The following XDH variants were observed in gnomAD, a reference collection of about 807,000 sequenced individuals.
XDH encodes xanthine dehydrogenase.
A neutral mutation model predicts 156.1 loss-of-function variants in XDH; 138 were observed. The observed-to-expected ratio is 0.88, with a 90% CI of 0.77 to 1.02. The LOEUF (loss-of-function observed/expected upper bound fraction) is 1.02. Ranked by LOEUF, XDH falls within the 50% of genes least tolerant of loss-of-function variation. XDH has a pLI of 0.00. For synonymous variants in XDH, 669 were observed against 625.7 expected, an observed-to-expected ratio of 1.07 and a Z score of -1.03; for missense variants, 1,849 against 1,684.9, an observed-to-expected ratio of 1.10 and a Z score of -1.71.
At chr2:31,368,776 T>C (rs974484474) in intron 18 of XDH, 116 bp from the exon 19 acceptor site, 13 of 1,585,570 alleles carry the variant, frequency 8.2e-6, no homozygotes, top group African/African-American at 1.3e-5. Context: ...AAGCACACTT[T>C]AGGAATGCCC....
At chr2:31,380,857 C>T (rs931375836) in intron 12 of XDH, among the ~76,000 whole-genome samples, 1 of 152,112 alleles carries the variant, frequency 6.6e-6, no homozygotes, top group Non-Finnish European at 1.5e-5. Flanking sequence ...GCATTTCCAC[C>T]GTACAGACAG....
At position 31,335,843 on chromosome 2, in the gene XDH, C is replaced by G. The variant is rs546461165; in HGVS notation, c.*115G>C. 1 of 1,238,168 alleles carries G rather than the reference C, an allele frequency of 8.1e-7. No homozygotes were observed. Among genetic ancestry groups the G allele is most frequent in the African/African-American group, 1.5e-5 (1 of 67,438 alleles). The allele number at this position is 1,238,168 out of a possible 1,614,324, so 76.7% of individuals were successfully genotyped here. A position where few individuals can be genotyped will look rare whatever the true frequency, so the allele number is the denominator to read the frequency against. ...ACTTGTCTTCCAAATCCCATCTTGA[C>G]AAATCACAGGTCTGTCATTCTGTGA... On this transcript the variant is annotated 3_prime_UTR_variant, in exon 36 of 36. Transcript: ENST00000379416.
At chr2:31,356,943 G>A (rs543960996) in intron 24 of XDH, among the ~76,000 whole-genome samples, 10 of 152,074 alleles carry the variant, frequency 6.6e-5, no homozygotes, top group African/African-American at 2.4e-4. Flanking sequence ...AAAGATAACT[G>A]GAATATCTAT....
rs45599238 is a variant in XDH at position 31,372,009 on chromosome 2, G to A, written c.1856+219C>T. Among the ~76,000 whole-genome samples the A allele has an allele frequency of 9.5e-3, 1,451 of 152,360 alleles. 8 individuals carry two copies. Among genetic ancestry groups the A allele is most frequent in the Middle Eastern group, 0.017 (5 of 294 alleles). On this transcript the variant is annotated intron_variant, in intron 17 of 35. Transcript: ENST00000379416. ...TTACCAACTGTGTGGCCTGGGGCAA[G>A]TAACATACCCTGCTTGTGCCTTAGT...
At chr2:31,373,205 C>A (rs867689474) in intron 16 of XDH, among the ~76,000 whole-genome samples, 1 of 152,160 alleles carries the variant, frequency 6.6e-6, no homozygotes, top group East Asian at 1.9e-4. Context: ...CAAGGTTGCA[C>A]AATTAGGAAA....
At chr2:31,412,418 T>A (rs1267829124) in intron 1 of XDH, among the ~76,000 whole-genome samples, 1 of 151,576 alleles carries the variant, frequency 6.6e-6, no homozygotes, top group Non-Finnish European at 1.5e-5. Context: ...CACTCATAGG[T>A]AGGAATTGAA....
At chr2:31,403,015 C>A in intron 3 of XDH, 33 bp downstream of exon 3, 13 of 1,613,082 alleles carry the variant, frequency 8.1e-6, no homozygotes, top group South Asian at 1.1e-5. Flanking sequence ...TCGCAGCCCC[C>A]ATGTGGGTGG....
In XDH at chr2:31,387,835, C is replaced by T. The variant is rs45575032; in HGVS notation, c.627G>A (p.Glu209=). 0.028 allele frequency: 43,825 copies of T among 1,586,178 alleles called. 778 individuals carry two copies. The highest frequency in any genetic ancestry group is 0.058 in the East Asian group (2,579 of 44,104). Residue 209 remains glutamate (E), a synonymous_variant, in exon 8 of 36, where the codon GAG becomes GAA. Coordinates refer to ENST00000379416, the MANE Select transcript of XDH (RefSeq NM_000379.4). Reference sequence around the variant, plus strand: ...CCAGCAACTCTGGGGGAAAAATGGGCTCCTGGGTTGGATCCAGGGGCGTGA... The same window carrying T: ...CCAGCAACTCTGGGGGAAAAATGGGTTCCTGGGTTGGATCCAGGGGCGTGA... ...EEFTPLDPTQ[E]PIFPPELLRL...
At chr2:31,406,135 G>A (rs1687186525) in intron 1 of XDH, among the ~76,000 whole-genome samples, 171 bp from the exon 2 acceptor site, 1 of 152,186 alleles carries the variant, frequency 6.6e-6, no homozygotes, top group Non-Finnish European at 1.5e-5. Context: ...CCCCAGTGTT[G>A]AAGGTGGGGC....
chr2:31,350,737 T>C (rs1391211437), intron 24 of XDH, among the ~76,000 whole-genome samples: 2 of 152,202 alleles, frequency 1.3e-5, no homozygotes, highest in Admixed American at 6.5e-5. Flanking sequence ...GAGAAATTCA[T>C]TCCAGAGCCT....
chr2:31,342,143 C>T (rs373645338), intron 32 of XDH, 40 bp downstream of exon 32: 2 of 1,557,436 alleles, frequency 1.3e-6, no homozygotes, highest in African/African-American at 2.7e-5. Flanking sequence ...TGTTTCTCTT[C>T]TCTTTCCCAC....
rs1423976892 is a variant in XDH at position 31,334,347 on chromosome 2, A to G, written c.*1611T>C. ...CAGCTGACAGTTTCATTTATTAGTG[A>G]CATCAAGCACCAGTCCAACTATATC... On this transcript the variant is annotated 3_prime_UTR_variant, in exon 36 of 36. Transcript: ENST00000379416. 1 of 152,178 alleles carries G rather than the reference A, an allele frequency of 6.6e-6. No homozygotes were observed. Among genetic ancestry groups the G allele is most frequent in the East Asian group, 1.9e-4 (1 of 5,200 alleles). The allele number at this position is 152,178 out of a possible 1,614,324, so 9.4% of individuals were successfully genotyped here.
chr2:31,399,439 A>G (rs1454664147), intron 4 of XDH, among the ~76,000 whole-genome samples: 1 of 152,204 alleles, frequency 6.6e-6, no homozygotes, highest in Non-Finnish European at 1.5e-5. Flanking sequence ...ACAGAAACCA[A>G]GAGAAAACAA....
Position 31,347,540 on chromosome 2 carries a change from G to T in XDH, c.3258C>A (p.Leu1086=). The change falls in exon 29 of 36, where the codon CTC becomes CTA. Residue 1086 remains leucine (L), a synonymous_variant. Transcript: ENST00000379416. ...TCCTTACATAGACGGCCTGTCCATT[G>T]AGGTCAGCGCTGACAGAGGCAGCCG... ...SPTAASVSAD[L]NGQAVYAACQ... The T allele has an allele frequency of 6.2e-7, 1 of 1,614,080 alleles. No homozygotes were observed. Among genetic ancestry groups the T allele is most frequent in the South Asian group, 1.1e-5 (1 of 91,070 alleles).
chr2:31,348,792 T>C (rs758093151), intron 27 of XDH, 107 bp downstream of exon 27: 2 of 979,642 alleles, frequency 2.0e-6, no homozygotes, highest in Non-Finnish European at 1.6e-6. Flanking sequence ...GTTCCTCCAG[T>C]AAGCCCTGTT....
chr2:31,378,185 A>AGGAT lies in XDH; in HGVS notation c.1243-949_1243-948insATCC, dbSNP rs1558696923. Reference sequence around the variant, plus strand: ...AAGGAAGGAAGGAAGGAAGCAAGCAAGCAAGCAAAGCAAGAAAGCAAGCAA... The same window carrying AGGAT: ...AAGGAAGGAAGGAAGGAAGCAAGCAAGGATGCAAGCAAAGCAAGAAAGCAAGCAA... On this transcript the variant is annotated intron_variant, in intron 13 of 35. Transcript: ENST00000379416. 1.5e-3 allele frequency among the ~76,000 whole-genome samples: 146 copies of AGGAT among 94,326 alleles called. 12 individuals carry two copies. The highest frequency in any genetic ancestry group is 5.2e-3 in the African/African-American group (140 of 27,076). 61.9% of individuals were successfully genotyped at this position (94,326 alleles called of 152,430 possible). A position where few individuals can be genotyped will look rare whatever the true frequency, so the allele number is the denominator to read the frequency against.
chr2:31,357,975 TTTTG>T (rs1259987967), intron 24 of XDH, among the ~76,000 whole-genome samples: 2 of 152,172 alleles, frequency 1.3e-5, no homozygotes, highest in African/African-American at 4.8e-5. Flanking sequence ...AATAGTGTTT[TTTTG>T]TTTGTTTCTT....
chr2:31,393,030 A>T (rs1188844619), intron 6 of XDH, among the ~76,000 whole-genome samples: 4 of 152,174 alleles, frequency 2.6e-5, no homozygotes, highest in African/African-American at 9.7e-5. Flanking sequence ...TAAATTTGTA[A>T]ATGTGTGTTT....
chr2:31,398,201 A>G (rs935054395), intron 5 of XDH, among the ~76,000 whole-genome samples: 2 of 152,208 alleles, frequency 1.3e-5, no homozygotes, highest in African/African-American at 4.8e-5. Context: ...TTGGCCCTGC[A>G]GAATCCTGTT....
Sources: allele counts gnomAD v4.1 joint callset (sites outside exome capture counted in the v4.1 genomes callset), GRCh38; gene constraint gnomAD v4.1.1; transcripts MANE v1.5; gene names NCBI Gene and HGNC (gene_info 2026-07-23, HGNC 2026-07-21).